The following ENPP3 variants were observed in gnomAD, a reference collection of about 807,000 sequenced individuals.
The protein encoded by ENPP3 is ectonucleotide pyrophosphatase/phosphodiesterase 3.
In ENPP3, 104 loss-of-function variants were observed where a neutral mutation model predicts 117.8. The ratio of observed to expected loss-of-function variants is 0.88; its 90% CI spans 0.75 to 1.04. The LOEUF (loss-of-function observed/expected upper bound fraction) is 1.04, where lower values mean the gene tolerates loss of function less well. Among genes scored for constraint, ENPP3 ranks in the 50% least tolerant of loss-of-function variants. The pLI, the probability that ENPP3 is intolerant of heterozygous loss-of-function variation, is 0.00. For missense variants in ENPP3, 1,026 were observed against 1,051.9 expected, an observed-to-expected ratio of 0.98 and a Z score of 0.34; for synonymous variants, 380 against 349.9, an observed-to-expected ratio of 1.09 and a Z score of -0.96.
intron 21 of ENPP3, 31 bp from the exon 22 acceptor site, chr6:131,737,324 C>T (rs1319823875): frequency 7.1e-7 from 1 of 1,400,910 alleles, no homozygotes. Flanking sequence ...TCTCTTATAG[C>T]TAGATCTAAT....
At chr6:131,663,120 G>A (rs775891285) in intron 6 of ENPP3, among the ~76,000 whole-genome samples, 1 of 150,540 alleles carries the variant, frequency 6.6e-6, no homozygotes, top group South Asian at 2.1e-4. Flanking sequence ...CTGAAAATAG[G>A]GACAGGTTTA....
chr6:131,723,039 C>T (rs1780069470), intron 18 of ENPP3, among the ~76,000 whole-genome samples: 1 of 152,208 alleles, frequency 6.6e-6, no homozygotes, highest in Non-Finnish European at 1.5e-5. Context: ...ACCAAGCCTA[C>T]TTGTGAGAAT....
At chr6:131,736,467 T>C (rs772394975) in intron 21 of ENPP3, among the ~76,000 whole-genome samples, 14 of 152,062 alleles carry the variant, frequency 9.2e-5, no homozygotes, top group Non-Finnish European at 1.8e-4. Context: ...AACTATCAGA[T>C]CTCGTGAGAC....
chr6:131,687,563 A>T (rs573540008), intron 14 of ENPP3, among the ~76,000 whole-genome samples: 1 of 152,308 alleles, frequency 6.6e-6, no homozygotes, highest in East Asian at 1.9e-4. Flanking sequence ...TCAACAGAGC[A>T]AACAGCCTAC....
chr6:131,720,420 GT>G, intron 17 of ENPP3, 41 bp downstream of exon 17: 2 of 1,025,424 alleles, frequency 2.0e-6, no homozygotes, highest in South Asian at 3.0e-5. Context: ...AATATGGATA[GT>G]TTTAAATATA....
At chr6:131,725,444 G>A (rs1298825818) in intron 19 of ENPP3, among the ~76,000 whole-genome samples, 3 of 151,902 alleles carry the variant, frequency 2.0e-5, no homozygotes, top group Non-Finnish European at 2.9e-5. Flanking sequence ...AAGGAGTGAA[G>A]GTGTCCCTAG....
At chr6:131,739,318 G>A (rs146025304) in intron 23 of ENPP3, among the ~76,000 whole-genome samples, 73 of 152,070 alleles carry the variant, frequency 4.8e-4, no homozygotes, top group East Asian at 2.1e-3. Context: ...ATCTGAAACC[G>A]AAGTACTGTC....
intron 15 of ENPP3, among the ~76,000 whole-genome samples, chr6:131,717,502 A>T (rs1250543790): frequency 6.6e-6 from 1 of 151,764 alleles, no homozygotes. Flanking sequence ...CCCTTCAGAG[A>T]TCAAATTTGA....
intron 6 of ENPP3, among the ~76,000 whole-genome samples, chr6:131,670,210 A>C (rs902871015): frequency 6.6e-6 from 1 of 152,228 alleles, no homozygotes; most frequent in African/African-American, 2.4e-5. Context: ...AAACAGTACT[A>C]CATGACATGG....
chr6:131,682,693 A>ATGTG (rs1257577169), intron 11 of ENPP3, among the ~76,000 whole-genome samples: 1 of 152,172 alleles, frequency 6.6e-6, no homozygotes, highest in East Asian at 1.9e-4. Context: ...TCTGGAATGT[A>ATGTG]TGTGACCCTT....
chr6:131,670,177 G>T (rs1328469128), intron 6 of ENPP3, among the ~76,000 whole-genome samples: 1 of 152,226 alleles, frequency 6.6e-6, no homozygotes, highest in Admixed American at 6.5e-5. Context: ...AAAGTAAGAA[G>T]CAGTAAAGTT....
rs940827194 is a variant in ENPP3 at position 131,677,915 on chromosome 6, A to G, written c.986A>G (p.His329Arg). 6.2e-7 allele frequency: 1 copy of G among 1,611,252 alleles called. No homozygotes were observed. The highest frequency in any genetic ancestry group is 8.5e-7 in the Non-Finnish European group (1 of 1,177,634). Reference protein sequence around the residue: ...MYFEEPDSSGHAGGPVSARVI... With the variant: ...MYFEEPDSSGRAGGPVSARVI... ...TTTGAAGAACCTGATTCCTCTGGAC[A>G]TGCAGGTGGACCAGTCAGTGCCAGA... Residue 329 changes from histidine (H) to arginine (R), a missense_variant, in exon 11 of 25, where the codon CAT becomes CGT. His to Arg is a conservative substitution (Grantham distance 29). Coordinates refer to ENST00000357639, the MANE Select transcript of ENPP3 (RefSeq NM_005021.5).
chr6:131,669,204 A>G (rs1043931688), intron 6 of ENPP3, among the ~76,000 whole-genome samples: 1 of 152,182 alleles, frequency 6.6e-6, no homozygotes, highest in African/African-American at 2.4e-5. Context: ...TTCTTGTTAT[A>G]TGACTTCTTA....
intron 21 of ENPP3, among the ~76,000 whole-genome samples, chr6:131,736,112 C>T (rs1018702139): frequency 2.0e-5 from 3 of 152,180 alleles, no homozygotes; most frequent in Admixed American, 1.3e-4. Flanking sequence ...GCACTTTGCC[C>T]GAGGAGTGCA....
At chr6:131,647,400 G>C (rs556335436) in intron 2 of ENPP3, among the ~76,000 whole-genome samples, 59 of 152,054 alleles carry the variant, frequency 3.9e-4, no homozygotes, top group Non-Finnish European at 7.6e-4. Context: ...AAATATGTTT[G>C]TAATTATGTA....
chr6:131,641,830 A>T (rs1242125504), intron 2 of ENPP3, among the ~76,000 whole-genome samples: 1 of 62,762 alleles, frequency 1.6e-5, no homozygotes, highest in Non-Finnish European at 2.7e-5. Context: ...TTTTGGCAAG[A>T]TCTCACTCTG....
rs1336805038 is a variant in ENPP3, at chr6:131,747,054, A to G, written c.*98A>G. The G allele has an allele frequency of 8.1e-6, 5 of 616,648 alleles. No individual in the cohort carries two copies. The highest frequency in any genetic ancestry group is 3.9e-5 in the Admixed American group (1 of 25,880). The allele number at this position is 616,648 out of a possible 1,614,324, so 38.2% of individuals were successfully genotyped here. ...GGAGAATTGTAAAATAAAGTTTTCT[A>G]TTTTTCCTTAAGTCCCCTAAAAGCC... On this transcript the variant is annotated 3_prime_UTR_variant, in exon 25 of 25. Transcript: ENST00000357639.
At chr6:131,684,215 T>C (rs912123646) in intron 12 of ENPP3, among the ~76,000 whole-genome samples, 2 of 152,086 alleles carry the variant, frequency 1.3e-5, no homozygotes, top group African/African-American at 2.4e-5. Flanking sequence ...GGAAGAAAAA[T>C]AGTGTGTCTG....
At chr6:131,661,565 C>T (rs75531819) in intron 6 of ENPP3, among the ~76,000 whole-genome samples, 10,769 of 152,146 alleles carry the variant, frequency 0.071, 785 homozygotes, top group African/African-American at 0.18. Context: ...GTGCTGATTA[C>T]AGGTGTGAGC....
Sources: gnomAD v4.1 joint callset for allele counts (sites outside exome capture counted in the v4.1 genomes callset) on GRCh38, gnomAD v4.1.1 for gene constraint, MANE v1.5 for transcripts, NCBI Gene and HGNC (gene_info 2026-07-23, HGNC 2026-07-21) for gene names.